ARHGEF17: variants seen among roughly 807,000 people sequenced by gnomAD.
The protein encoded by ARHGEF17 is Rho guanine nucleotide exchange factor 17, also known as 164 kDa Rho-specific guanine-nucleotide exchange factor.
ARHGEF17 carries 80 observed loss-of-function variants against 174.0 expected under a neutral mutation model. The ratio of observed to expected loss-of-function variants is 0.46; its 90% CI spans 0.38 to 0.55. The LOEUF (loss-of-function observed/expected upper bound fraction) is 0.55, where lower values mean the gene tolerates loss of function less well. Among genes scored for constraint, ARHGEF17 ranks in the 20% least tolerant of loss-of-function variants. The pLI, the probability that ARHGEF17 is intolerant of heterozygous loss-of-function variation, is 0.00. For synonymous variants in ARHGEF17, 1,311 were observed against 1,189.1 expected, an observed-to-expected ratio of 1.10 and a Z score of -2.11; for missense variants, 2,886 against 2,839.7, an observed-to-expected ratio of 1.02 and a Z score of -0.37.
Position 73,310,704 on chromosome 11 carries a change from T to C in ARHGEF17, c.2066T>C (p.Leu689Pro), listed in dbSNP as rs1458901505. The C allele has an allele frequency of 1.2e-6, 2 of 1,613,254 alleles. No homozygotes were observed. Among genetic ancestry groups the C allele is most frequent in the Admixed American group, 3.3e-5 (2 of 59,996 alleles). The change falls in exon 1 of 21, where the codon CTG (leucine) becomes CCG (proline). Residue 689 changes from leucine to proline, a missense_variant. Around this residue, in one of 4 missense-constraint regions of ARHGEF17, gnomAD observed 1,728 missense variants for 1,461.2 expected, o/e 1.18. Coordinates refer to ENST00000263674, the MANE Select transcript of ARHGEF17 (RefSeq NM_014786.4). ...NHHGPGTEDS[L>P]GGWALVSPET... The stretch of plus-strand genomic sequence containing the variant: ...CATGGCCCTGGGACTGAGGACAGTC[T>C]GGGCGGGTGGGCCCTGGTGTCGCCT...
At chr11:73,320,661 AT>A (rs1400325672) in intron 1 of ARHGEF17, among the ~76,000 whole-genome samples, 1,246 of 109,228 alleles carry the variant, frequency 0.011, 9 homozygotes, top group South Asian at 0.021. Flanking sequence ...GATGATGATG[AT>A]TTTTTTTTTT....
intron 1 of ARHGEF17, among the ~76,000 whole-genome samples, chr11:73,329,484 C>T (rs1463808577): frequency 6.8e-6 from 1 of 147,626 alleles, no homozygotes; most frequent in East Asian, 2.0e-4. Flanking sequence ...ACTGCAACCT[C>T]TGCCTCCCAG....
At chr11:73,358,715 C>T (rs551860192) in intron 9 of ARHGEF17, among the ~76,000 whole-genome samples, 4 of 151,746 alleles carry the variant, frequency 2.6e-5, no homozygotes, top group African/African-American at 7.3e-5. Flanking sequence ...CTGCCCACCT[C>T]GGCCTCCCAA....
chr11:73,367,437 G>T (rs1032122061), intron 20 of ARHGEF17, 147 bp from the exon 21 acceptor site: 2 of 625,874 alleles, frequency 3.2e-6, no homozygotes, highest in Non-Finnish European at 5.3e-6. Context: ...TTCTAAATAA[G>T]TTCCTAGCTA....
intron 20 of ARHGEF17, among the ~76,000 whole-genome samples, 188 bp downstream of exon 20, chr11:73,366,135 G>C (rs556868174): frequency 6.6e-6 from 1 of 152,250 alleles, no homozygotes; most frequent in South Asian, 2.1e-4. Flanking sequence ...GTGTGTGTGT[G>C]TGTGTGCGCA....
Position 73,311,054 on chromosome 11 carries a change from G to T in ARHGEF17, c.2416G>T (p.Gly806Trp). The change falls in exon 1 of 21, where the codon GGG (glycine) becomes TGG (tryptophan). Residue 806 changes from glycine to tryptophan, a missense_variant. By Grantham distance (184) the Gly-to-Trp change is radical. This residue lies in a region of ARHGEF17 where 1,728 missense variants were observed against 1,461.2 expected (regional missense o/e 1.18). Coordinates refer to ENST00000263674, the MANE Select transcript of ARHGEF17 (RefSeq NM_014786.4). ...YQEVIQSIVQ[G>W]PGTLGRVVDD... ...GGAGGTTATTCAGAGCATAGTTCAG[G>T]GGCCTGGCACCCTGGGGCGTGTGGT... is the stretch of plus-strand genomic sequence containing the variant. 6.2e-7 allele frequency: 1 copy of T among 1,610,824 alleles called. No individual in the cohort carries two copies. The highest frequency in any genetic ancestry group is 1.1e-5 in the South Asian group (1 of 91,082).
At chr11:73,346,810 C>A (rs1865468614) in intron 1 of ARHGEF17, 73 bp from the exon 2 acceptor site, 2 of 1,223,042 alleles carry the variant, frequency 1.6e-6, no homozygotes, top group African/African-American at 1.6e-5. Flanking sequence ...GTTCTCTGGG[C>A]ACCATGTGGC....
intron 1 of ARHGEF17, among the ~76,000 whole-genome samples, chr11:73,324,660 G>A (rs1865072857): frequency 6.6e-6 from 1 of 152,210 alleles, no homozygotes; most frequent in African/African-American, 2.4e-5. Flanking sequence ...GACCCAGATG[G>A]TCTGGCTCCA....
chr11:73,328,496 A>G (rs1332542223), intron 1 of ARHGEF17, among the ~76,000 whole-genome samples: 3 of 152,162 alleles, frequency 2.0e-5, no homozygotes, highest in Admixed American at 6.5e-5. Flanking sequence ...TTTGAAGCTC[A>G]AAGCCCAGCC....
intron 1 of ARHGEF17, among the ~76,000 whole-genome samples, chr11:73,332,718 G>C (rs76094572): frequency 6.6e-6 from 1 of 151,936 alleles, no homozygotes; most frequent in Non-Finnish European, 1.5e-5. Flanking sequence ...CCTGGGGGGC[G>C]GGAATCCTGT....
At chr11:73,342,663 C>G (rs1006500018) in intron 1 of ARHGEF17, among the ~76,000 whole-genome samples, 4 of 152,118 alleles carry the variant, frequency 2.6e-5, no homozygotes, top group Non-Finnish European at 5.9e-5. Flanking sequence ...CTCCGTGGCT[C>G]CTCGGTGGGA....
At chr11:73,352,338 C>T (rs764458447) in intron 2 of ARHGEF17, among the ~76,000 whole-genome samples, 5 of 152,160 alleles carry the variant, frequency 3.3e-5, no homozygotes, top group Admixed American at 6.5e-5. Context: ...TAAAATATTT[C>T]TTAGATTTGA....
intron 15 of ARHGEF17, 140 bp from the exon 16 acceptor site, chr11:73,363,607 C>G: frequency 1.3e-6 from 2 of 1,497,522 alleles, no homozygotes; most frequent in Non-Finnish European, 1.8e-6. Flanking sequence ...CTGACAATCC[C>G]AGGGAGGCTG....
chr11:73,359,811 A>G (rs1371204024), intron 9 of ARHGEF17, 23 bp from the exon 10 acceptor site: 4 of 1,564,310 alleles, frequency 2.6e-6, no homozygotes, highest in Non-Finnish European at 3.5e-6. Flanking sequence ...GTATCAGTCC[A>G]CGGCCTTCCT....
In ARHGEF17 at chr11:73,310,206, C is replaced by A. The variant is rs750188496; in HGVS notation, c.1568C>A (p.Pro523Gln). ...PVGQLEPIPIPAPASPGTRPT... is the reference protein window; with the variant it reads ...PVGQLEPIPIQAPASPGTRPT... Reference sequence around the variant, plus strand: ...GGGCAACTTGAACCCATACCCATCCCAGCCCCAGCATCACCTGGCACGCGC... The same window carrying A: ...GGGCAACTTGAACCCATACCCATCCAAGCCCCAGCATCACCTGGCACGCGC... The change falls in exon 1 of 21, where the codon CCA (proline) becomes CAA (glutamine). Residue 523 changes from proline (P) to glutamine (Q), a missense_variant. Pro to Gln is a moderately conservative substitution (Grantham distance 76, BLOSUM62 -1). Transcript: ENST00000263674. The A allele has an allele frequency of 4.3e-6, 7 of 1,614,020 alleles. No homozygotes were observed. Among genetic ancestry groups the A allele is most frequent in the Non-Finnish European group, 5.1e-6 (6 of 1,180,024 alleles).
chr11:73,326,963 C>G (rs549113398), intron 1 of ARHGEF17, among the ~76,000 whole-genome samples: 1 of 152,310 alleles, frequency 6.6e-6, no homozygotes, highest in East Asian at 1.9e-4. Context: ...TAGAGTGAGA[C>G]AAGCCTCTCC....
chr11:73,361,358 A>C (rs1026382652), intron 12 of ARHGEF17, among the ~76,000 whole-genome samples, 197 bp downstream of exon 12: 6 of 152,198 alleles, frequency 3.9e-5, no homozygotes, highest in Admixed American at 3.3e-4. Flanking sequence ...TGCTTCGTGC[A>C]TATCTGTATC....
At chr11:73,315,023 A>C (rs1223865455) in intron 1 of ARHGEF17, among the ~76,000 whole-genome samples, 1 of 152,230 alleles carries the variant, frequency 6.6e-6, no homozygotes, top group Admixed American at 6.5e-5. Context: ...AGTGCTTGCT[A>C]TGTGCCAGAC....
chr11:73,315,406 C>A (rs1261963497), intron 1 of ARHGEF17, among the ~76,000 whole-genome samples: 1 of 152,224 alleles, frequency 6.6e-6, no homozygotes, highest in African/African-American at 2.4e-5. Context: ...CAGACCCCCT[C>A]CCTACCCAGC....
Sources: allele counts gnomAD v4.1 joint callset (sites outside exome capture counted in the v4.1 genomes callset), GRCh38; gene constraint gnomAD v4.1.1; regional missense constraint gnomAD v4.1.1; transcripts MANE v1.5; gene names NCBI Gene and HGNC (gene_info 2026-07-23, HGNC 2026-07-21).